Variants in PRSS36 observed in about 807,000 individuals in gnomAD.
PRSS36 encodes serine protease 36.
PRSS36 carries 90 observed loss-of-function variants against 94.3 expected under a neutral mutation model. The ratio of observed to expected loss-of-function variants is 0.95; its 90% CI spans 0.80 to 1.14. The LOEUF (loss-of-function observed/expected upper bound fraction) is 1.14, where lower values mean the gene tolerates loss of function less well. Among genes scored for constraint, PRSS36 ranks in the 50% most tolerant of loss-of-function variants. The pLI is 0.00. For missense variants in PRSS36, 1,158 were observed against 1,135.0 expected (o/e 1.02, Z -0.29); for synonymous variants, 500 against 489.6 (o/e 1.02, Z -0.28).
rs1166572493 is a variant in PRSS36, at chr16:31,148,929, A to G, written c.272+144T>C. ...CAGCCTTGCCCCACTCGGAACCATGATGCCTCGAATAGCACCTCGCTTTGG... is the reference window on the plus strand; with the variant it reads ...CAGCCTTGCCCCACTCGGAACCATGGTGCCTCGAATAGCACCTCGCTTTGG... On this transcript the variant is annotated intron_variant, in intron 4 of 14. Transcript: ENST00000268281. The G allele has an allele frequency of 5.8e-6, 6 of 1,037,820 alleles. No individual in the cohort carries two copies. In the South Asian group the frequency reaches 1.0e-4, roughly 17 times the overall value. The allele number at this position is 1,037,820 out of a possible 1,614,324, so 64.3% of individuals were successfully genotyped here.
chr16:31,141,904 T>A lies in PRSS36; in HGVS notation c.1578A>T (p.Gly526=). 1 of 1,614,112 alleles carries A rather than the reference T, an allele frequency of 6.2e-7. No individual in the cohort carries two copies. Among genetic ancestry groups the A allele is most frequent in the Non-Finnish European group, 8.5e-7 (1 of 1,180,012 alleles). ...CQEEGTWFLA[G]IRDFPSGCLR... is the part of the protein sequence containing the mutation. ...GACAGCCACTGGGAAAGTCTCTGAT[T>A]CCAGCCAGAAACCAGGTCCCCTCCT... Residue 526 remains glycine (G), a synonymous_variant, in exon 11 of 15, where the codon GGA becomes GGT. Transcript: ENST00000268281.
At chr16:31,142,033 C>G in intron 10 of PRSS36, 73 bp from the exon 11 acceptor site, 3 of 1,335,704 alleles carry the variant, frequency 2.2e-6, no homozygotes, top group Non-Finnish European at 2.1e-6. Context: ...TGGGGCTTTC[C>G]AGGACTCCAG....
Position 31,140,380 on chromosome 16 carries a change from G to C in PRSS36, c.2203C>G (p.Arg735Gly), listed in dbSNP as rs781264785. Reference protein sequence around the residue: ...VAAAVSILTQRICDCLYQGIL... With the variant: ...VAAAVSILTQGICDCLYQGIL... ...CCCTGATAGAGGCAGTCACAGATTCGTTGTGTCAAGATGGAGACAGCAGCA... is the reference window on the plus strand; with the variant it reads ...CCCTGATAGAGGCAGTCACAGATTCCTTGTGTCAAGATGGAGACAGCAGCA... The change falls in exon 14 of 15, where the codon CGA (arginine) becomes GGA (glycine). Residue 735 changes from arginine (R) to glycine (G), a missense_variant. Transcript: ENST00000268281. The C allele has an allele frequency of 6.2e-7, 1 of 1,614,008 alleles. No homozygotes were observed. Among genetic ancestry groups the C allele is most frequent in the Non-Finnish European group, 8.5e-7 (1 of 1,179,978 alleles).
At chr16:31,146,938 C>T (rs560175125) in intron 5 of PRSS36, among the ~76,000 whole-genome samples, 28 of 152,160 alleles carry the variant, frequency 1.8e-4, no homozygotes, top group Non-Finnish European at 3.4e-4. Flanking sequence ...GCCTAGATCG[C>T]GCCGTTGCAC....
Position 31,142,921 on chromosome 16 carries a change from C to T in PRSS36, c.1173G>A (p.Ala391=), listed in dbSNP as rs2057735012. 2 of 1,521,598 alleles carry T rather than the reference C, an allele frequency of 1.3e-6. No homozygotes were observed. The highest frequency in any genetic ancestry group is 8.8e-7 in the Non-Finnish European group (1 of 1,141,210). The allele number at this position is 1,521,598 out of a possible 1,614,324, so 94.3% of individuals were successfully genotyped here. ...WRVLLPSRPR[A]ERVARLVQHE... is the part of the protein sequence containing the mutation. ...GCTGCACCAGGCGCGCCACCCGCTC[C>T]GCGCGCGGGCGCGAGGGCAGCAGCA... Residue 391 remains alanine (A), a synonymous_variant, in exon 9 of 15, where the codon GCG becomes GCA. Coordinates refer to ENST00000268281, the MANE Select transcript of PRSS36 (RefSeq NM_173502.5).
At chr16:31,149,265 TC>T in intron 3 of PRSS36, 30 bp from the exon 4 acceptor site, 1 of 1,529,968 alleles carries the variant, frequency 6.5e-7, no homozygotes, top group Non-Finnish European at 8.8e-7. Flanking sequence ...AAGCCAAAGC[TC>T]CCCTCGGGTT....
rs141363882 is a variant in PRSS36 at position 31,139,382 on chromosome 16, G to A, written c.2324C>T (p.Thr775Met). The change falls in exon 15 of 15, where the codon ACG becomes ATG. Residue 775 changes from threonine (T) to methionine (M), a missense_variant. Coordinates refer to ENST00000268281, the MANE Select transcript of PRSS36 (RefSeq NM_173502.5). ...GCCCACGAGGATCCAGGACCCTTCC[G>A]TCATCTGGCACAGGAGGGGCGGTGC... ...TSAPPLLCQM[T>M]EGSWILVGMA... 6.6e-5 allele frequency: 107 copies of A among 1,613,956 alleles called. 1 individual carries two copies. Among genetic ancestry groups the A allele is most frequent in the African/African-American group, 5.5e-4 (41 of 74,908 alleles).
chr16:31,148,719 A>AG (rs2057842616), intron 4 of PRSS36, 44 bp from the exon 5 acceptor site: 7 of 1,605,790 alleles, frequency 4.4e-6, no homozygotes, highest in Non-Finnish European at 4.2e-6. Flanking sequence ...GACCCTATGG[A>AG]GGGGGCAGAC....
At position 31,139,385 on chromosome 16, in the gene PRSS36, A is replaced by C; in HGVS notation, c.2321T>G (p.Met774Arg). ...MTSAPPLLCQMTEGSWILVGM... is the reference protein window; with the variant it reads ...MTSAPPLLCQRTEGSWILVGM... ...CACGAGGATCCAGGACCCTTCCGTCATCTGGCACAGGAGGGGCGGTGCTGA... is the reference window on the plus strand; with the variant it reads ...CACGAGGATCCAGGACCCTTCCGTCCTCTGGCACAGGAGGGGCGGTGCTGA... Residue 774 changes from methionine to arginine, a missense_variant, in exon 15 of 15, where the codon ATG becomes AGG. Physicochemically the swap from Met to Arg is moderately conservative, Grantham distance 91. Coordinates refer to ENST00000268281, the MANE Select transcript of PRSS36 (RefSeq NM_173502.5). 1 of 1,614,068 alleles carries C rather than the reference A, an allele frequency of 6.2e-7. No homozygotes were observed. Among genetic ancestry groups the C allele is most frequent in the Non-Finnish European group, 8.5e-7 (1 of 1,179,988 alleles).
At chr16:31,145,092 G>A (rs779947134) in intron 6 of PRSS36, among the ~76,000 whole-genome samples, 21 of 151,476 alleles carry the variant, frequency 1.4e-4, no homozygotes, top group Admixed American at 4.6e-4. Flanking sequence ...CGTCTCGGCC[G>A]GGCGCGGTGG....
rs774867045 is a variant in PRSS36, at chr16:31,142,783, G to A, written c.1311C>T (p.Tyr437=). 6.1e-6 allele frequency: 9 copies of A among 1,470,860 alleles called. No individual in the cohort carries two copies. In the South Asian group the frequency reaches 1.2e-4, roughly 20 times the overall value. 91.1% of individuals were successfully genotyped at this position (1,470,860 alleles called of 1,614,324 possible). Residue 437 remains tyrosine, a synonymous_variant, in exon 9 of 15, where the codon TAC becomes TAT. Coordinates refer to ENST00000268281, the MANE Select transcript of PRSS36 (RefSeq NM_173502.5). ...RPVCLPHPEH[Y]FLPGSRCRLA... is the part of the protein sequence containing the mutation. The stretch of plus-strand genomic sequence containing the variant: ...GGCGGCAGCGGCTCCCGGGCAGGAA[G>A]TAGTGTTCCGGGTGGGGTAGGCACA...
At chr16:31,147,068 GT>G (rs1186991577) in intron 5 of PRSS36, among the ~76,000 whole-genome samples, 1 of 152,166 alleles carries the variant, frequency 6.6e-6, no homozygotes, top group African/African-American at 2.4e-5. Flanking sequence ...CACCAGGGAA[GT>G]TGGGGATTGT....
At position 31,140,480 on chromosome 16, in the gene PRSS36, C is replaced by G. The variant is rs886626196; in HGVS notation, c.2167+12G>C. ...CCAGCTACTCCTCGTTCCCGTGACCCAGGGGTCTCACCTCGGTCCTGGGGT... is the reference window on the plus strand; with the variant it reads ...CCAGCTACTCCTCGTTCCCGTGACCGAGGGGTCTCACCTCGGTCCTGGGGT... On this transcript the variant is annotated intron_variant, in intron 13 of 14. Coordinates refer to ENST00000268281, the MANE Select transcript of PRSS36 (RefSeq NM_173502.5). 6 of 1,591,860 alleles carry G rather than the reference C, an allele frequency of 3.8e-6. No homozygotes were observed. Among genetic ancestry groups the G allele is most frequent in the Non-Finnish European group, 5.1e-6 (6 of 1,168,394 alleles).
At position 31,139,216 on chromosome 16, in the gene PRSS36, G is replaced by A. The variant is rs767387519; in HGVS notation, c.2490C>T (p.Pro830=). ...HWPTGGSNLC[P]PELAKASGSP... Reference sequence around the variant, plus strand: ...ATCCCGAGGCCTTGGCCAGTTCTGGGGGGCAGAGATTGCTGCCTCCAGTGG... The same window carrying A: ...ATCCCGAGGCCTTGGCCAGTTCTGGAGGGCAGAGATTGCTGCCTCCAGTGG... Residue 830 remains proline (P), a synonymous_variant, in exon 15 of 15, where the codon CCC becomes CCT. Transcript: ENST00000268281. 22 of 1,613,436 alleles carry A rather than the reference G, an allele frequency of 1.4e-5. No individual in the cohort carries two copies. In the African/African-American group the frequency reaches 2.9e-4, roughly 22 times the overall value.
In PRSS36 at chr16:31,139,383, T is replaced by G; in HGVS notation, c.2323A>C (p.Thr775Pro). The G allele has an allele frequency of 6.2e-7, 1 of 1,614,106 alleles. No homozygotes were observed. Among genetic ancestry groups the G allele is most frequent in the Non-Finnish European group, 8.5e-7 (1 of 1,179,984 alleles). Residue 775 changes from threonine to proline, a missense_variant, in exon 15 of 15, where the codon ACG becomes CCG. Coordinates refer to ENST00000268281, the MANE Select transcript of PRSS36 (RefSeq NM_173502.5). ...CCCACGAGGATCCAGGACCCTTCCG[T>G]CATCTGGCACAGGAGGGGCGGTGCT... ...TSAPPLLCQMTEGSWILVGMA... is the reference protein window; with the variant it reads ...TSAPPLLCQMPEGSWILVGMA...
At chr16:31,143,514 A>T (rs776904291) in intron 7 of PRSS36, 43 bp from the exon 8 acceptor site, 1 of 1,604,486 alleles carries the variant, frequency 6.2e-7, no homozygotes, top group East Asian at 2.2e-5. Flanking sequence ...CCTGCAACCC[A>T]ATCACTCCCA....
At chr16:31,141,647 A>C in intron 11 of PRSS36, 37 bp from the exon 12 acceptor site, 1 of 1,610,194 alleles carries the variant, frequency 6.2e-7, no homozygotes, top group Non-Finnish European at 8.5e-7. Flanking sequence ...TTGGGGCCCC[A>C]TGGCTGACCC....
chr16:31,145,188 T>C (rs1268696206), intron 6 of PRSS36, among the ~76,000 whole-genome samples: 29 of 151,022 alleles, frequency 1.9e-4, no homozygotes, highest in Admixed American at 1.9e-3. Flanking sequence ...GCTAACCTGG[T>C]GAAATCCCGT....
chr16:31,148,829 A>G, intron 4 of PRSS36, 154 bp from the exon 5 acceptor site: 1 of 1,084,966 alleles, frequency 9.2e-7, no homozygotes, highest in Non-Finnish European at 1.3e-6. Context: ...TCCGATTTGG[A>G]GCTGGTGGTG....
Sources: gnomAD v4.1 joint callset for allele counts (sites outside exome capture counted in the v4.1 genomes callset) on GRCh38, gnomAD v4.1.1 for gene constraint, MANE v1.5 for transcripts, NCBI Gene and HGNC (gene_info 2026-07-23, HGNC 2026-07-21) for gene names.